Variants in SKA3 observed in about 807,000 individuals in gnomAD.
SKA3 encodes the protein spindle and kinetochore-associated protein 3.
SKA3 carries 39 observed loss-of-function variants against 44.2 expected under a neutral mutation model. The ratio of observed to expected loss-of-function variants is 0.88; its 90% CI spans 0.68 to 1.15. The LOEUF is 1.15. SKA3 is among the 50% of genes most tolerant of loss of function. The pLI, the probability that SKA3 is intolerant of heterozygous loss-of-function variation, is 0.00. For missense variants in SKA3, 511 were observed against 485.8 expected (o/e 1.05, Z -0.49); for synonymous variants, 192 against 172.0 (o/e 1.12, Z -0.91).
At chr13:21,173,792 G>A (rs915277418) in intron 1 of SKA3, among the ~76,000 whole-genome samples, 3 of 152,074 alleles carry the variant, frequency 2.0e-5, no homozygotes, top group African/African-American at 2.4e-5. Flanking sequence ...GAATTATTAT[G>A]AATACTCTTG....
chr13:21,155,666 C>A (rs778559025), intron 8 of SKA3, 27 bp downstream of exon 8: 2 of 1,355,972 alleles, frequency 1.5e-6, no homozygotes, highest in Non-Finnish European at 2.1e-6. Context: ...AACACATGAA[C>A]TTTCTTTACA....
intron 7 of SKA3, among the ~76,000 whole-genome samples, chr13:21,157,495 G>C (rs975427613): frequency 3.3e-5 from 5 of 152,202 alleles, no homozygotes; most frequent in African/African-American, 4.8e-5. Flanking sequence ...TAAAAATACA[G>C]TATCATAATC....
intron 4 of SKA3, among the ~76,000 whole-genome samples, chr13:21,164,931 T>C (rs565007254): frequency 4.6e-5 from 7 of 152,312 alleles, no homozygotes; most frequent in African/African-American, 1.7e-4. Flanking sequence ...TTAAGATGTC[T>C]AATCATGTCA....
intron 8 of SKA3, 33 bp from the exon 9 acceptor site, chr13:21,155,183 A>G (rs1444227739): frequency 4.8e-6 from 6 of 1,259,086 alleles, no homozygotes; most frequent in Non-Finnish European, 6.3e-6. Context: ...ATATCAATTT[A>G]ATAAAATTAA....
intron 6 of SKA3, 45 bp downstream of exon 6, chr13:21,159,857 G>A (rs1446955331): frequency 5.1e-6 from 6 of 1,180,196 alleles, no homozygotes; most frequent in Non-Finnish European, 6.8e-6. Flanking sequence ...GTGTATTTGA[G>A]TCTTTAGGAG....
chr13:21,157,930 T>C lies in SKA3; in HGVS notation c.1111A>G (p.Ile371Val). Residue 371 changes from isoleucine to valine, a missense_variant, in exon 7 of 9, where the codon ATT becomes GTT. Transcript: ENST00000314759. ...PPEVTKIPED[I>V]LQLLSKYNSN... is the part of the protein sequence containing the mutation. ...TAGCCTGGAAAAATAACCTGGAGAA[T>C]ATCTTCTGGAATTTTAGTTACTTCC... 6.3e-7 allele frequency: 1 copy of C among 1,584,272 alleles called. No homozygotes were observed. Among genetic ancestry groups the C allele is most frequent in the Non-Finnish European group, 8.6e-7 (1 of 1,165,718 alleles).
At position 21,168,401 on chromosome 13, in the gene SKA3, T is replaced by C. The variant is rs1870854749; in HGVS notation, c.332-2A>G. 1 of 1,560,510 alleles carries C rather than the reference T, an allele frequency of 6.4e-7. No individual in the cohort carries two copies. Among genetic ancestry groups the C allele is most frequent in the Admixed American group, 2.0e-5 (1 of 50,342 alleles). On this transcript the variant is annotated splice_acceptor_variant, in intron 3 of 8. Transcript: ENST00000314759. LOFTEE classifies it high-confidence loss of function. ...AGTTAATGGCTTCTTGCTCGTGTAC[T>C]AGGAGGAAAAATCAGAATATTCTGG...
intron 3 of SKA3, 90 bp from the exon 4 acceptor site, chr13:21,168,489 T>C: frequency 1.9e-6 from 2 of 1,063,196 alleles, no homozygotes; most frequent in Non-Finnish European, 2.5e-6. Context: ...ATCTGAAATT[T>C]CCCAAATCAG....
rs1869941772 is a variant in SKA3 at position 21,153,905 on chromosome 13, CTAAG to C, written c.*1241_*1244del. On this transcript the variant is annotated 3_prime_UTR_variant, in exon 9 of 9. Transcript: ENST00000314759. ...TACAGCTTTACTTTGAAAAACAAAA[CTAAG>C]TATCTTAACATTTTATTTTACATTA... 6.6e-6 allele frequency: 1 copy of C among 152,188 alleles called. No individual in the cohort carries two copies. Among genetic ancestry groups the C allele is most frequent in the Non-Finnish European group, 1.5e-5 (1 of 68,038 alleles). The allele number at this position is 152,188 out of a possible 1,614,324, so 9.4% of individuals were successfully genotyped here. A position where few individuals can be genotyped will look rare whatever the true frequency, so the allele number is the denominator to read the frequency against.
rs768156600 is a variant in SKA3 at position 21,172,482 on chromosome 13, T to C, written c.188A>G (p.Asp63Gly). ...TLKDDVNILL[D>G]KARLENQEGI... The stretch of plus-strand genomic sequence containing the variant: ...TTCTTGATTTTCCAATCTTGCTTTA[T>C]CAAGAAGAATATTAACATCATCCTT... Residue 63 changes from aspartate (D) to glycine (G), a missense_variant, in exon 3 of 9, where the codon GAT becomes GGT. Asp to Gly is a moderately conservative substitution (Grantham distance 94). Transcript: ENST00000314759. The C allele has an allele frequency of 4.4e-6, 7 of 1,589,392 alleles. No homozygotes were observed. In the Admixed American group the frequency reaches 1.3e-4, roughly 30 times the overall value.
chr13:21,175,226 C>T (rs2137388098), intron 1 of SKA3, among the ~76,000 whole-genome samples: 1 of 151,528 alleles, frequency 6.6e-6, no homozygotes, highest in South Asian at 2.1e-4. Flanking sequence ...GATCCACCCA[C>T]CTCGGCCTCC....
intron 4 of SKA3, among the ~76,000 whole-genome samples, chr13:21,167,290 C>T (rs1450977761): frequency 6.6e-6 from 1 of 151,726 alleles, no homozygotes; most frequent in Non-Finnish European, 1.5e-5. Flanking sequence ...AAATCAATCA[C>T]AAGTTCTTAC....
At chr13:21,155,865 T>G in intron 7 of SKA3, 54 bp from the exon 8 acceptor site, 1 of 890,458 alleles carries the variant, frequency 1.1e-6, no homozygotes, top group Non-Finnish European at 1.6e-6. Flanking sequence ...TAATATAACC[T>G]AAATTTGGAA....
At chr13:21,165,395 C>A (rs1376106550) in intron 4 of SKA3, among the ~76,000 whole-genome samples, 1 of 151,936 alleles carries the variant, frequency 6.6e-6, no homozygotes, top group Non-Finnish European at 1.5e-5. Context: ...GCACTCCAAC[C>A]TGGGTGACAG....
intron 4 of SKA3, among the ~76,000 whole-genome samples, chr13:21,165,388 C>T (rs974212164): frequency 6.6e-6 from 1 of 151,936 alleles, no homozygotes; most frequent in Non-Finnish European, 1.5e-5. Context: ...TGCCTCTGCA[C>T]TCCAACCTGG....
At chr13:21,163,065 A>G (rs1870523381) in intron 4 of SKA3, among the ~76,000 whole-genome samples, 1 of 152,162 alleles carries the variant, frequency 6.6e-6, no homozygotes, top group Non-Finnish European at 1.5e-5. Context: ...GTAAATGTCT[A>G]AAACCTTTTA....
At chr13:21,159,830 T>C in intron 6 of SKA3, 72 bp downstream of exon 6, 1 of 987,886 alleles carries the variant, frequency 1.0e-6, no homozygotes, top group Non-Finnish European at 1.4e-6. Context: ...ACAGACTCTT[T>C]GAGCCTGCAA....
At position 21,176,355 on chromosome 13, in the gene SKA3, T is replaced by C; in HGVS notation, c.103+20A>G. 8.3e-7 allele frequency: 1 copy of C among 1,200,140 alleles called. No individual in the cohort carries two copies. Among genetic ancestry groups the C allele is most frequent in the South Asian group, 1.8e-5 (1 of 54,854 alleles). 74.3% of individuals were successfully genotyped at this position (1,200,140 alleles called of 1,614,324 possible). ...GCGGCGCACCCCACGCACCGTGCCC[T>C]GGCCGCCCGCCTCACGCACCGCTTT... On this transcript the variant is annotated intron_variant, in intron 1 of 8. Transcript: ENST00000314759.
rs1870847691 is a variant in SKA3, at chr13:21,168,336, G to C, written c.395C>G (p.Thr132Ser). 1.2e-6 allele frequency: 2 copies of C among 1,613,878 alleles called. No homozygotes were observed. Among genetic ancestry groups the C allele is most frequent in the African/African-American group, 2.7e-5 (2 of 74,882 alleles). Reference sequence around the variant, plus strand: ...ATCAGACAGATCATCTTTCACATCAGTCTTCTGAAAATTTTCACAATTAGA... The same window carrying C: ...ATCAGACAGATCATCTTTCACATCACTCTTCTGAAAATTTTCACAATTAGA... ...ELSNCENFQK[T>S]DVKDDLSDPP... Residue 132 changes from threonine to serine, a missense_variant, in exon 4 of 9, where the codon ACT (threonine) becomes AGT (serine). By Grantham distance (58) the Thr-to-Ser change is moderately conservative. Coordinates refer to ENST00000314759, the MANE Select transcript of SKA3 (RefSeq NM_145061.6).
Sources: gnomAD v4.1 joint callset for allele counts (sites outside exome capture counted in the v4.1 genomes callset) on GRCh38, gnomAD v4.1.1 for gene constraint, MANE v1.5 for transcripts, NCBI Gene and HGNC (gene_info 2026-07-23, HGNC 2026-07-21) for gene names.